The following MICU3 variants were observed in gnomAD, a reference collection of about 807,000 sequenced individuals.
The protein encoded by MICU3 is mitochondrial calcium uptake 3.
A neutral mutation model predicts 66.5 loss-of-function variants in MICU3; 62 were observed. The observed-to-expected ratio is 0.93, with a 90% confidence interval of 0.76 to 1.15. MICU3 has a LOEUF of 1.15. MICU3 is among the 50% of genes most tolerant of loss of function. MICU3 has a pLI of 0.00. For missense variants in MICU3, 779 were observed against 664.4 expected (o/e 1.17, Z -1.90); for synonymous variants, 308 against 240.7 (o/e 1.28, Z -2.59).
chr8:17,105,981 G>C (rs1011030467), intron 11 of MICU3, among the ~76,000 whole-genome samples: 4 of 151,962 alleles, frequency 2.6e-5, no homozygotes, highest in Non-Finnish European at 5.9e-5. Flanking sequence ...AAGGTCATTT[G>C]AAGACCACCA....
At chr8:17,127,135 A>G (rs552831462), downstream of MICU3, among the ~76,000 whole-genome samples, 15 of 152,352 alleles carry the variant, frequency 9.8e-5, no homozygotes, top group African/African-American at 3.4e-4. Flanking sequence ...ATGCTATATC[A>G]TGCTTTTGCA....
At chr8:17,076,143 C>T (rs1188866859) in intron 3 of MICU3, among the ~76,000 whole-genome samples, 1 of 152,020 alleles carries the variant, frequency 6.6e-6, no homozygotes, top group Non-Finnish European at 1.5e-5. Context: ...TTTTCCACCT[C>T]AGCCTCCTGA....
At chr8:17,032,280 A>G (rs1234063741) in intron 1 of MICU3, among the ~76,000 whole-genome samples, 1 of 152,176 alleles carries the variant, frequency 6.6e-6, no homozygotes, top group Non-Finnish European at 1.5e-5. Context: ...CTTTATTTAT[A>G]TTATAAAGAG....
chr8:17,082,532 T>G (rs1158228304), intron 5 of MICU3, among the ~76,000 whole-genome samples: 2 of 152,162 alleles, frequency 1.3e-5, no homozygotes, highest in African/African-American at 4.8e-5. Flanking sequence ...CTCCCCACAC[T>G]TGAATGCAAG....
At chr8:17,036,929 G>T (rs1813112734) in intron 1 of MICU3, among the ~76,000 whole-genome samples, 1 of 152,242 alleles carries the variant, frequency 6.6e-6, no homozygotes, top group Admixed American at 6.5e-5. Context: ...GGAGGCTCAG[G>T]CATGGCGGGC....
At chr8:17,037,404 G>T (rs1300768598) in intron 1 of MICU3, among the ~76,000 whole-genome samples, 2 of 152,182 alleles carry the variant, frequency 1.3e-5, no homozygotes, top group Non-Finnish European at 2.9e-5. Flanking sequence ...GTACATTCTT[G>T]AGACTTGGTA....
At chr8:17,095,856 T>C (rs1265532025) in intron 8 of MICU3, among the ~76,000 whole-genome samples, 1 of 151,906 alleles carries the variant, frequency 6.6e-6, no homozygotes, top group Non-Finnish European at 1.5e-5. Context: ...GATCCTGCTT[T>C]GGCTCAGCCA....
At chr8:17,071,490 C>G (rs371261777) in intron 3 of MICU3, among the ~76,000 whole-genome samples, 3 of 152,134 alleles carry the variant, frequency 2.0e-5, no homozygotes, top group East Asian at 3.9e-4. Flanking sequence ...CTAATTACCT[C>G]TTTAAAGAAA....
downstream of MICU3, among the ~76,000 whole-genome samples, chr8:17,124,831 T>G (rs1462953961): frequency 6.6e-6 from 1 of 152,050 alleles, no homozygotes; most frequent in Non-Finnish European, 1.5e-5. Context: ...AGCTTCCAGT[T>G]TGTTCCCAAG....
intron 1 of MICU3, among the ~76,000 whole-genome samples, chr8:17,042,316 T>G (rs1427324388): frequency 6.6e-6 from 1 of 152,224 alleles, no homozygotes; most frequent in Non-Finnish European, 1.5e-5. Context: ...CTCACTGCTC[T>G]CCTGTAATTG....
intron 1 of MICU3, among the ~76,000 whole-genome samples, chr8:17,034,227 G>C (rs1812581168): frequency 6.6e-6 from 1 of 152,170 alleles, no homozygotes; most frequent in Non-Finnish European, 1.5e-5. Flanking sequence ...TTACAGCATG[G>C]TTTACTGATT....
chr8:17,044,076 A>G (rs911252362), intron 1 of MICU3, among the ~76,000 whole-genome samples: 13 of 152,262 alleles, frequency 8.5e-5, no homozygotes, highest in African/African-American at 3.1e-4. Flanking sequence ...TTTTGCTAGC[A>G]AATGATAGGA....
intron 5 of MICU3, 97 bp from the exon 6 acceptor site, chr8:17,085,139 C>T: frequency 5.6e-6 from 4 of 712,708 alleles, no homozygotes; most frequent in South Asian, 2.1e-5. Flanking sequence ...TATCTTTAAC[C>T]AATACAGAAT....
At chr8:17,092,158 G>C (rs911877464) in intron 8 of MICU3, among the ~76,000 whole-genome samples, 15 of 152,156 alleles carry the variant, frequency 9.9e-5, no homozygotes, top group African/African-American at 3.4e-4. Context: ...TTACACGCGT[G>C]AGCTACTGTG....
chr8:17,129,191 C>T, the MICU3 span, among the ~76,000 whole-genome samples: 1 of 152,180 alleles, frequency 6.6e-6, no homozygotes, highest in East Asian at 1.9e-4. Context: ...AACTCAATAC[C>T]TGCACAGGAA....
In MICU3 at chr8:17,105,443, A is replaced by G; in HGVS notation, c.1116A>G (p.Leu372=). 2 of 1,564,508 alleles carry G rather than the reference A, an allele frequency of 1.3e-6. No individual in the cohort carries two copies. The highest frequency in any genetic ancestry group is 1.2e-5 in the South Asian group (1 of 84,906). The change falls in exon 11 of 15, where the codon CTA becomes CTG. Residue 372 remains leucine, a synonymous_variant. Coordinates refer to ENST00000318063, the MANE Select transcript of MICU3 (RefSeq NM_181723.3). ...RFMDNLQTEV[L]EIEFLSYSNG... ...TGGATAATCTCCAAACAGAAGTTCT[A>G]GAAATAGAATTCCTTTCCTACTCAA... is the stretch of plus-strand genomic sequence containing the variant.
At chr8:17,074,345 G>A (rs1248455001) in intron 3 of MICU3, among the ~76,000 whole-genome samples, 1 of 151,820 alleles carries the variant, frequency 6.6e-6, no homozygotes, top group Non-Finnish European at 1.5e-5. Flanking sequence ...TATCTCTTTT[G>A]GGTCCATAAT....
At position 17,077,848 on chromosome 8, in the gene MICU3, T is replaced by A. The variant is rs748701997; in HGVS notation, c.633T>A (p.Asn211Lys). The change falls in exon 4 of 15, where the codon AAT (asparagine) becomes AAA (lysine). Residue 211 changes from asparagine (N) to lysine (K), a missense_variant. By Grantham distance (94) the Asn-to-Lys change is moderately conservative. Transcript: ENST00000318063. ...AAGGCTCATCGAAGCTATTTCGAAA[T>A]CTTAAAGAAAAAGGTGAGTTAACCT... is the stretch of plus-strand genomic sequence containing the variant. Reference protein sequence around the residue: ...VWKGSSKLFRNLKEKGVISYT... With the variant: ...VWKGSSKLFRKLKEKGVISYT... 6.2e-7 allele frequency: 1 copy of A among 1,610,244 alleles called. No homozygotes were observed. Among genetic ancestry groups the A allele is most frequent in the East Asian group, 2.2e-5 (1 of 44,728 alleles).
intron 10 of MICU3, among the ~76,000 whole-genome samples, chr8:17,104,944 G>A (rs1403636867): frequency 3.1e-5 from 1 of 31,778 alleles, no homozygotes; most frequent in Non-Finnish European, 4.6e-5. Flanking sequence ...GCAGTGAGCC[G>A]AGATGGCGCC....
Sources: allele counts gnomAD v4.1 joint callset (sites outside exome capture counted in the v4.1 genomes callset), GRCh38; gene constraint gnomAD v4.1.1; transcripts MANE v1.5; gene names NCBI Gene and HGNC (gene_info 2026-07-23, HGNC 2026-07-21).